The following MARCHF1 variants were observed in gnomAD, a reference collection of about 807,000 sequenced individuals.
MARCHF1 encodes E3 ubiquitin-protein ligase MARCHF1.
Under a neutral mutation model 54.2 loss-of-function variants are expected in MARCHF1, and 40 were observed. The observed-to-expected ratio is 0.74, with a 90% confidence interval of 0.57 to 0.96. The LOEUF (loss-of-function observed/expected upper bound fraction) is 0.96, where lower values mean the gene tolerates loss of function less well. MARCHF1 is among the 40% of genes least tolerant of loss of function. MARCHF1 has a pLI of 0.00. For synonymous variants in MARCHF1, 236 were observed against 236.3 expected (o/e 1.00, Z 0.01); for missense variants, 586 against 656.5 (o/e 0.89, Z 1.17).
intron 1 of MARCHF1, among the ~76,000 whole-genome samples, chr4:164,237,677 C>A (rs754799868): frequency 1.3e-5 from 2 of 151,898 alleles, no homozygotes; most frequent in African/African-American, 2.4e-5. Flanking sequence ...TCATGCTGCT[C>A]AGAAAGTGCT....
intron 1 of MARCHF1, among the ~76,000 whole-genome samples, chr4:164,114,216 T>A (rs1755893545): frequency 6.6e-6 from 1 of 152,024 alleles, no homozygotes; most frequent in African/African-American, 2.4e-5. Context: ...ACCAATCAAC[T>A]AATCTATTGT....
chr4:164,081,573 C>A (rs1323163804), intron 2 of MARCHF1, among the ~76,000 whole-genome samples: 1 of 151,998 alleles, frequency 6.6e-6, no homozygotes, highest in Non-Finnish European at 1.5e-5. Flanking sequence ...ATGAGTGCTC[C>A]TCTTCCTTCA....
intron 1 of MARCHF1, among the ~76,000 whole-genome samples, chr4:164,315,684 G>T (rs1257855728): frequency 6.6e-6 from 1 of 152,164 alleles, no homozygotes; most frequent in Non-Finnish European, 1.5e-5. Flanking sequence ...GTCACCTCAA[G>T]AAATTCTGTT....
intron 2 of MARCHF1, among the ~76,000 whole-genome samples, chr4:164,049,277 T>C (rs6419307): frequency 0.52 from 78,596 of 151,888 alleles, 21,422 homozygotes; most frequent in African/African-American, 0.68. Context: ...CTCACTATCA[T>C]GAGAACAGCA....
At chr4:164,041,958 T>C (rs978385739) in intron 2 of MARCHF1, among the ~76,000 whole-genome samples, 1 of 152,168 alleles carries the variant, frequency 6.6e-6, no homozygotes, top group Non-Finnish European at 1.5e-5. Flanking sequence ...AATCCAGGCT[T>C]GGAAAAGGAG....
intron 2 of MARCHF1, among the ~76,000 whole-genome samples, chr4:164,000,500 G>A (rs1753165776): frequency 1.3e-5 from 2 of 151,578 alleles, no homozygotes; most frequent in South Asian, 4.1e-4. Flanking sequence ...TTTAGAGAAA[G>A]AGAAAGCACA....
In MARCHF1 at chr4:163,540,372, A is replaced by G. The variant is rs541042603; in HGVS notation, c.1339+5224T>C. 2.0e-5 allele frequency among the ~76,000 whole-genome samples: 3 copies of G among 152,168 alleles called. No homozygotes were observed. The East Asian group carries it at 5.8e-4, about 29-fold the overall frequency. On this transcript the variant is annotated intron_variant, in intron 9 of 9. Coordinates refer to ENST00000514618, the MANE Select transcript of MARCHF1 (RefSeq NM_001394959.1). Reference sequence around the variant, plus strand: ...AGAACTACGAAGTGTGTGTATAAGGAAGGGTGTGTGTGGGTGGCTATTGGG... The same window carrying G: ...AGAACTACGAAGTGTGTGTATAAGGGAGGGTGTGTGTGGGTGGCTATTGGG...
Position 163,901,451 on chromosome 4 carries a change from G to A in MARCHF1, c.-38-47282C>T, listed in dbSNP as rs560201280. ...CTTTGTCACCTGTCTTATAGGCATA[G>A]TCCTTTTTATTTCCCTGTGGCTCTC... On this transcript the variant is annotated intron_variant, in intron 3 of 9. Transcript: ENST00000514618. Among the ~76,000 whole-genome samples, 6 of 152,268 alleles carry A rather than the reference G, an allele frequency of 3.9e-5. No individual in the cohort carries two copies. In the East Asian group the frequency reaches 5.8e-4, roughly 15 times the overall value.
chr4:164,244,785 A>G (rs1222248995), intron 1 of MARCHF1, among the ~76,000 whole-genome samples: 22 of 152,224 alleles, frequency 1.4e-4, no homozygotes, highest in African/African-American at 2.2e-4. Flanking sequence ...TATCACCACC[A>G]ATCCCACAGA....
chr4:163,922,976 A>G (rs905785775), intron 3 of MARCHF1, among the ~76,000 whole-genome samples: 3 of 152,176 alleles, frequency 2.0e-5, no homozygotes, highest in Admixed American at 6.5e-5. Context: ...AGCTATAGAG[A>G]TAGAGAAAAA....
intron 5 of MARCHF1, among the ~76,000 whole-genome samples, chr4:163,663,397 T>A (rs1374078077): frequency 6.6e-6 from 1 of 152,028 alleles, no homozygotes; most frequent in African/African-American, 2.4e-5. Flanking sequence ...GGCTTATGTT[T>A]CTCTCTTCCT....
intron 1 of MARCHF1, among the ~76,000 whole-genome samples, chr4:164,176,943 T>C (rs550564891): frequency 1.7e-4 from 3 of 17,874 alleles, no homozygotes; most frequent in Non-Finnish European, 2.3e-4. Flanking sequence ...CCTTGTGCGC[T>C]CTCTCTCTCT....
rs1396487450 is a variant in MARCHF1, at chr4:163,798,398, T to C, written c.111+55623A>G. Among the ~76,000 whole-genome samples, 12 of 152,170 alleles carry C rather than the reference T, an allele frequency of 7.9e-5. 1 individual carries two copies. Among genetic ancestry groups the C allele is most frequent in the South Asian group, 4.1e-4 (2 of 4,830 alleles). The stretch of plus-strand genomic sequence containing the variant: ...ATTTTTGTTTAAGCTACCCAACTTA[T>C]GGTATTTTGTTATGGAAGTCTTAGC... On this transcript the variant is annotated intron_variant, in intron 4 of 9. Coordinates refer to ENST00000514618, the MANE Select transcript of MARCHF1 (RefSeq NM_001394959.1).
At chr4:164,338,782 T>C (rs2110834036) in intron 1 of MARCHF1, among the ~76,000 whole-genome samples, 1 of 152,052 alleles carries the variant, frequency 6.6e-6, no homozygotes, top group Non-Finnish European at 1.5e-5. Flanking sequence ...AGACCAGCCT[T>C]ACCACCATGG....
At chr4:164,193,919 G>T (rs189693479) in intron 1 of MARCHF1, among the ~76,000 whole-genome samples, 246 of 152,258 alleles carry the variant, frequency 1.6e-3, no homozygotes, top group Non-Finnish European at 3.1e-3. Context: ...GTGGTTAGAA[G>T]TTATTAGTAA....
chr4:164,351,078 A>G (rs1448688691), intron 1 of MARCHF1, among the ~76,000 whole-genome samples: 5 of 152,340 alleles, frequency 3.3e-5, no homozygotes, highest in East Asian at 1.9e-4. Flanking sequence ...GGCGCACCAC[A>G]AGATTATATC....
At chr4:163,825,481 A>T (rs1343852086) in intron 4 of MARCHF1, among the ~76,000 whole-genome samples, 1 of 152,042 alleles carries the variant, frequency 6.6e-6, no homozygotes, top group East Asian at 1.9e-4. Context: ...GTTGGGTCAA[A>T]TGGTAATTCC....
intron 8 of MARCHF1, among the ~76,000 whole-genome samples, chr4:163,562,784 A>G (rs1739514317): frequency 6.6e-6 from 1 of 152,116 alleles, no homozygotes; most frequent in Non-Finnish European, 1.5e-5. Flanking sequence ...ATTTCCCCAG[A>G]TTTACACATT....
chr4:163,696,645 C>T (rs1744643858), intron 5 of MARCHF1, among the ~76,000 whole-genome samples: 1 of 152,122 alleles, frequency 6.6e-6, no homozygotes, highest in Non-Finnish European at 1.5e-5. Context: ...ATCTCAAAAA[C>T]CCTTACAAAG....
Sources: gnomAD v4.1 joint callset for allele counts (sites outside exome capture counted in the v4.1 genomes callset) on GRCh38, gnomAD v4.1.1 for gene constraint, MANE v1.5 for transcripts, NCBI Gene and HGNC (gene_info 2026-07-23, HGNC 2026-07-21) for gene names.